ATF7IP2: variants seen among roughly 807,000 people sequenced by gnomAD.
ATF7IP2 encodes the protein activating transcription factor 7 interacting protein 2.
In ATF7IP2, 42 loss-of-function variants were observed where a neutral mutation model predicts 64.2. The ratio of observed to expected loss-of-function variants is 0.65; its 90% CI spans 0.51 to 0.85. The LOEUF is 0.85. Ranked by LOEUF, ATF7IP2 falls within the 40% of genes least tolerant of loss-of-function variation. ATF7IP2 has a pLI of 0.00. For missense variants in ATF7IP2, 933 were observed against 784.2 expected, an observed-to-expected ratio of 1.19 and a Z score of -2.27; for synonymous variants, 308 against 272.8, an observed-to-expected ratio of 1.13 and a Z score of -1.27.
At chr16:10,417,815 C>G (rs1193957819) in intron 2 of ATF7IP2, among the ~76,000 whole-genome samples, 4 of 152,122 alleles carry the variant, frequency 2.6e-5, no homozygotes, top group Non-Finnish European at 4.4e-5. Flanking sequence ...TGGTACAGAC[C>G]TATACACAAA....
chr16:10,387,179 C>T (rs2047219324), intron 1 of ATF7IP2: 1 of 152,138 alleles, frequency 6.6e-6, no homozygotes, highest in African/African-American at 2.4e-5. Flanking sequence ...ATTTGCAAAA[C>T]AAATGGGGAA....
intron 9 of ATF7IP2, among the ~76,000 whole-genome samples, chr16:10,460,106 T>C (rs928085595): frequency 6.6e-6 from 1 of 152,110 alleles, no homozygotes; most frequent in Non-Finnish European, 1.5e-5. Flanking sequence ...ATCTAAGAAA[T>C]CTTTCGTATT....
chr16:10,448,136 T>C (rs2048871708), intron 8 of ATF7IP2: 1 of 152,230 alleles, frequency 6.6e-6, no homozygotes, highest in Non-Finnish European at 1.5e-5. Context: ...TCTATATATC[T>C]CTTTTGGTAC....
intron 9 of ATF7IP2, among the ~76,000 whole-genome samples, chr16:10,469,748 C>G (rs2049719583): frequency 6.6e-6 from 1 of 152,042 alleles, no homozygotes; most frequent in African/African-American, 2.4e-5. Flanking sequence ...TGCACTCCAG[C>G]CTGGGAAACG....
At chr16:10,444,489 GT>G in intron 8 of ATF7IP2, among the ~76,000 whole-genome samples, 1 of 152,284 alleles carries the variant, frequency 6.6e-6, no homozygotes, top group Non-Finnish European at 1.5e-5. Flanking sequence ...GGCAGTGTTT[GT>G]GCTAAGAGAC....
At chr16:10,477,898 TCGC>T (rs2050070964) in intron 12 of ATF7IP2, among the ~76,000 whole-genome samples, 1 of 148,154 alleles carries the variant, frequency 6.7e-6, no homozygotes, top group Admixed American at 6.8e-5. Flanking sequence ...GAACTCCCAT[TCGC>T]AATTGCTTCA....
At chr16:10,409,039 C>T (rs778043109) in intron 1 of ATF7IP2, among the ~76,000 whole-genome samples, 6 of 152,238 alleles carry the variant, frequency 3.9e-5, no homozygotes, top group Non-Finnish European at 8.8e-5. Context: ...TTCACGATCA[C>T]AAGAGCACAC....
intron 9 of ATF7IP2, among the ~76,000 whole-genome samples, chr16:10,458,723 C>T (rs1477991487): frequency 6.6e-6 from 1 of 152,078 alleles, no homozygotes; most frequent in Non-Finnish European, 1.5e-5. Context: ...TAGCATAACC[C>T]TAATAGTATT....
chr16:10,433,794 A>C (rs565265744), intron 6 of ATF7IP2, 145 bp downstream of exon 6: 1 of 836,108 alleles, frequency 1.2e-6, no homozygotes, highest in East Asian at 2.7e-5. Context: ...TATCAGACAG[A>C]CTGGGGAGAG....
chr16:10,470,713 G>T (rs995406538), intron 9 of ATF7IP2, among the ~76,000 whole-genome samples: 1 of 151,706 alleles, frequency 6.6e-6, no homozygotes, highest in African/African-American at 2.4e-5. Flanking sequence ...GAGCCCAGAG[G>T]TTCAGGCTTC....
intron 9 of ATF7IP2, among the ~76,000 whole-genome samples, chr16:10,466,418 G>A (rs2049574311): frequency 6.6e-6 from 1 of 152,102 alleles, no homozygotes; most frequent in Non-Finnish European, 1.5e-5. Context: ...AGGTCATAAG[G>A]TATGCGTATC....
chr16:10,457,654 G>T, intron 9 of ATF7IP2, 125 bp downstream of exon 9: 1 of 784,852 alleles, frequency 1.3e-6, no homozygotes, highest in South Asian at 2.6e-5. Flanking sequence ...ATGTCCTATA[G>T]TTTTACTTTT....
At chr16:10,476,999 T>C (rs1414031051) in intron 12 of ATF7IP2, among the ~76,000 whole-genome samples, 1 of 152,158 alleles carries the variant, frequency 6.6e-6, no homozygotes, top group Non-Finnish European at 1.5e-5. Context: ...TGATTAATAT[T>C]CCTTTGGGTA....
At chr16:10,387,042 G>C (rs908913139) in intron 1 of ATF7IP2, 2 of 152,176 alleles carry the variant, frequency 1.3e-5, no homozygotes, top group Non-Finnish European at 2.9e-5. Context: ...CAGTTGTACT[G>C]AATAGTCCAC....
At chr16:10,410,633 C>T (rs1596457236) in intron 1 of ATF7IP2, among the ~76,000 whole-genome samples, 1 of 152,134 alleles carries the variant, frequency 6.6e-6, no homozygotes, top group African/African-American at 2.4e-5. Flanking sequence ...TTTCTCTTTT[C>T]TGATTGCTCT....
intron 9 of ATF7IP2, among the ~76,000 whole-genome samples, chr16:10,459,131 C>T (rs181917933): frequency 6.2e-4 from 94 of 151,220 alleles, no homozygotes; most frequent in Non-Finnish European, 1.1e-3. Context: ...GTCGGGAGTT[C>T]GAGACTAGCC....
At chr16:10,450,807 C>T (rs2048961156) in intron 8 of ATF7IP2, among the ~76,000 whole-genome samples, 2 of 152,122 alleles carry the variant, frequency 1.3e-5, no homozygotes, top group African/African-American at 2.4e-5. Context: ...GCATTTAGCC[C>T]ATTTACATTT....
At chr16:10,469,058 A>G (rs2049689069) in intron 9 of ATF7IP2, among the ~76,000 whole-genome samples, 1 of 152,164 alleles carries the variant, frequency 6.6e-6, no homozygotes. Flanking sequence ...AAGAAATGAA[A>G]CAACATCCAT....
chr16:10,453,692 A>G (rs1376227955), intron 8 of ATF7IP2, among the ~76,000 whole-genome samples: 1 of 152,294 alleles, frequency 6.6e-6, no homozygotes, highest in African/African-American at 2.4e-5. Flanking sequence ...ATCTCAGCTC[A>G]TCGCAACCTC....
Sources: gnomAD v4.1 joint callset for allele counts (sites outside exome capture counted in the v4.1 genomes callset) on GRCh38, gnomAD v4.1.1 for gene constraint, MANE v1.5 for transcripts, NCBI Gene and HGNC (gene_info 2026-07-23, HGNC 2026-07-21) for gene names.